The following DOCK3 variants were observed in gnomAD, a reference collection of about 807,000 sequenced individuals.
DOCK3 encodes dedicator of cytokinesis 3, also known as dedicator of cytokinesis protein 3.
Under a neutral mutation model 265.6 loss-of-function variants are expected in DOCK3, and 60 were observed. That is an observed-to-expected ratio of 0.23 (90% CI 0.18 to 0.28). The LOEUF is 0.28. Among genes scored for constraint, DOCK3 ranks in the 10% least tolerant of loss-of-function variants. The pLI, the probability that DOCK3 is intolerant of heterozygous loss-of-function variation, is 1.00. For missense variants in DOCK3, 1,981 were observed against 2,594.3 expected (o/e 0.76, Z 5.14); for synonymous variants, 881 against 938.0 (o/e 0.94, Z 1.11).
rs143102164 is a variant in DOCK3 at position 50,986,992 on chromosome 3, C to A, written c.315+52915C>A. ...TGTCCGTTCTCCAGGCAACATTCTT[C>A]AATTTCTAGTCCATTTGGTCTTTCC... On this transcript the variant is annotated intron_variant, in intron 5 of 52. Coordinates refer to ENST00000266037, the MANE Select transcript of DOCK3 (RefSeq NM_004947.5). 7.7e-3 allele frequency among the ~76,000 whole-genome samples: 1,174 copies of A among 152,322 alleles called. 12 individuals are homozygous for A. Among genetic ancestry groups the A allele is most frequent in the African/African-American group, 0.027 (1,111 of 41,566 alleles).
At chr3:51,255,804 C>T (rs962044685) in intron 22 of DOCK3, among the ~76,000 whole-genome samples, 2 of 152,146 alleles carry the variant, frequency 1.3e-5, no homozygotes, top group African/African-American at 4.8e-5. Context: ...GCAATGGGTT[C>T]GAACATCCTC....
intron 19 of DOCK3, among the ~76,000 whole-genome samples, chr3:51,231,582 G>A (rs938294542): frequency 6.6e-6 from 1 of 152,142 alleles, no homozygotes; most frequent in African/African-American, 2.4e-5. Context: ...GTCTGTCCAT[G>A]TCTTCTGCTC....
At chr3:50,842,103 T>C (rs906582412) in intron 3 of DOCK3, among the ~76,000 whole-genome samples, 10 of 152,224 alleles carry the variant, frequency 6.6e-5, no homozygotes, top group Non-Finnish European at 1.5e-4. Flanking sequence ...GATATTTCTC[T>C]AATCATAATT....
intron 27 of DOCK3, among the ~76,000 whole-genome samples, chr3:51,282,525 C>T (rs144321320): frequency 3.0e-4 from 46 of 151,836 alleles, no homozygotes; most frequent in Admixed American, 2.0e-3. Flanking sequence ...TGGTGGTGCA[C>T]GCCTGTAATC....
At chr3:50,968,637 C>T (rs1459146278) in intron 5 of DOCK3, among the ~76,000 whole-genome samples, 10 of 151,850 alleles carry the variant, frequency 6.6e-5, no homozygotes, top group Admixed American at 6.6e-4. Flanking sequence ...GCAACCTCCA[C>T]CTCCTAGGTT....
intron 27 of DOCK3, among the ~76,000 whole-genome samples, chr3:51,288,700 C>G (rs2081556057): frequency 6.6e-6 from 1 of 152,006 alleles, no homozygotes; most frequent in Admixed American, 6.6e-5. Flanking sequence ...AGTCAATGGC[C>G]TAGTTTTCCT....
chr3:51,240,310 G>A (rs1323886421), intron 21 of DOCK3, among the ~76,000 whole-genome samples: 1 of 151,610 alleles, frequency 6.6e-6, no homozygotes, highest in Non-Finnish European at 1.5e-5. Context: ...GTCTGAGAGA[G>A]TATGATTTCA....
At chr3:51,205,744 A>G (rs1368560109) in intron 12 of DOCK3, among the ~76,000 whole-genome samples, 1 of 152,186 alleles carries the variant, frequency 6.6e-6, no homozygotes, top group East Asian at 1.9e-4. Context: ...CATTGTTAAC[A>G]GCATATAGTA....
At chr3:50,885,345 G>T (rs896392044) in intron 3 of DOCK3, among the ~76,000 whole-genome samples, 1 of 147,138 alleles carries the variant, frequency 6.8e-6, no homozygotes, top group African/African-American at 2.5e-5. Context: ...AAGAAAAATG[G>T]TATAAGCTTT....
At chr3:50,876,296 A>C (rs2047698284) in intron 3 of DOCK3, among the ~76,000 whole-genome samples, 1 of 152,192 alleles carries the variant, frequency 6.6e-6, no homozygotes, top group Non-Finnish European at 1.5e-5. Flanking sequence ...AAACCAGAGC[A>C]ATAAATCTTC....
At chr3:51,099,459 T>C (rs2082995112) in intron 9 of DOCK3, among the ~76,000 whole-genome samples, 1 of 152,222 alleles carries the variant, frequency 6.6e-6, no homozygotes, top group South Asian at 2.1e-4. Flanking sequence ...TTAGAAAGTT[T>C]CACATTGTTT....
intron 2 of DOCK3, among the ~76,000 whole-genome samples, chr3:50,794,082 C>T (rs893129678): frequency 2.6e-5 from 4 of 152,118 alleles, no homozygotes; most frequent in African/African-American, 7.2e-5. Flanking sequence ...TTTGATTGTG[C>T]TGTGGTCTGA....
At chr3:50,873,939 G>A (rs1461815455) in intron 3 of DOCK3, among the ~76,000 whole-genome samples, 1 of 151,950 alleles carries the variant, frequency 6.6e-6, no homozygotes, top group Admixed American at 6.6e-5. Flanking sequence ...TGATGTCTGT[G>A]ATTCAAAACT....
chr3:51,089,997 G>A lies in DOCK3; in HGVS notation c.592-233G>A, dbSNP rs187837056. ...AGATTTTTAGTTCACTTGTAAGTTGGAATTACTGTCCCTATATTTCTTCAC... is the reference window on the plus strand; with the variant it reads ...AGATTTTTAGTTCACTTGTAAGTTGAAATTACTGTCCCTATATTTCTTCAC... On this transcript the variant is annotated intron_variant, in intron 8 of 52. Coordinates refer to ENST00000266037, the MANE Select transcript of DOCK3 (RefSeq NM_004947.5). Among the ~76,000 whole-genome samples, 8 of 151,248 alleles carry A rather than the reference G, an allele frequency of 5.3e-5. 1 individual carries two copies. The highest frequency in any genetic ancestry group is 3.9e-4 in the Admixed American group (6 of 15,196).
chr3:51,282,127 C>T (rs769078796), intron 27 of DOCK3, among the ~76,000 whole-genome samples: 7 of 152,032 alleles, frequency 4.6e-5, no homozygotes, highest in Non-Finnish European at 8.8e-5. Context: ...TTAGAACTTC[C>T]CAAAAGAGTC....
intron 4 of DOCK3, among the ~76,000 whole-genome samples, chr3:50,907,333 G>A (rs2049574922): frequency 6.6e-6 from 1 of 152,022 alleles, no homozygotes; most frequent in African/African-American, 2.4e-5. Flanking sequence ...TCGTTGATCT[G>A]TCTAATGTTG....
chr3:51,356,896 C>A, intron 43 of DOCK3, 66 bp from the exon 44 acceptor site: 1 of 1,503,696 alleles, frequency 6.7e-7, no homozygotes, highest in South Asian at 1.3e-5. Context: ...TAGACCCCAG[C>A]TCTCAGGAAG....
intron 32 of DOCK3, among the ~76,000 whole-genome samples, chr3:51,327,676 CT>C (rs563361812): frequency 1.6e-3 from 194 of 124,206 alleles, no homozygotes; most frequent in African/African-American, 3.6e-3. Flanking sequence ...CCATCACCAG[CT>C]TTTTTTTTTT....
chr3:51,307,538 C>T (rs1009758146), intron 27 of DOCK3, among the ~76,000 whole-genome samples: 5 of 152,118 alleles, frequency 3.3e-5, no homozygotes, highest in Non-Finnish European at 5.9e-5. Context: ...AATAACTCTC[C>T]GCATTTTGTA....
Sources: gnomAD v4.1 joint callset for allele counts (sites outside exome capture counted in the v4.1 genomes callset) on GRCh38, gnomAD v4.1.1 for gene constraint, MANE v1.5 for transcripts, NCBI Gene and HGNC (gene_info 2026-07-23, HGNC 2026-07-21) for gene names.